STAC: variants seen among roughly 807,000 people sequenced by gnomAD.
STAC encodes SH3 and cysteine-rich domain-containing protein.
In STAC, 43 loss-of-function variants were observed where a neutral mutation model predicts 48.8. That is an observed-to-expected ratio of 0.88 (90% confidence interval 0.69 to 1.14). The LOEUF is 1.14. Ranked by LOEUF, STAC falls within the 50% of genes most tolerant of loss-of-function variation. The pLI is 0.00. For missense variants in STAC, 497 were observed against 504.0 expected, an observed-to-expected ratio of 0.99 and a Z score of 0.13; for synonymous variants, 193 against 179.5, an observed-to-expected ratio of 1.07 and a Z score of -0.60.
At chr3:36,409,767 A>G (rs766442287) in intron 1 of STAC, 1 of 152,216 alleles carries the variant, frequency 6.6e-6, no homozygotes, top group Non-Finnish European at 1.5e-5. Flanking sequence ...AACAGAATGA[A>G]CATTCTACTG....
chr3:36,410,579 T>C (rs1411438030), intron 1 of STAC, among the ~76,000 whole-genome samples: 1 of 152,200 alleles, frequency 6.6e-6, no homozygotes, highest in Admixed American at 6.5e-5. Context: ...TGACTGTATT[T>C]ATATGCGTGT....
At chr3:36,387,048 T>A (rs1402125931) in intron 1 of STAC, among the ~76,000 whole-genome samples, 1 of 152,122 alleles carries the variant, frequency 6.6e-6, no homozygotes, top group African/African-American at 2.4e-5. Flanking sequence ...CAAATTTTGT[T>A]ACTTTTTCAG....
intron 2 of STAC, among the ~76,000 whole-genome samples, chr3:36,474,441 C>A (rs1697435974): frequency 1.3e-5 from 2 of 152,188 alleles, no homozygotes; most frequent in South Asian, 4.1e-4. Context: ...CCCACAGATG[C>A]CCTTTCACTT....
intron 1 of STAC, among the ~76,000 whole-genome samples, chr3:36,415,030 G>T (rs887695806): frequency 1.3e-5 from 2 of 152,180 alleles, no homozygotes; most frequent in Non-Finnish European, 2.9e-5. Flanking sequence ...TCCTCTGGAG[G>T]TTTCATCTCA....
chr3:36,423,945 A>G (rs528834758), intron 1 of STAC, among the ~76,000 whole-genome samples: 1 of 152,168 alleles, frequency 6.6e-6, no homozygotes, highest in East Asian at 1.9e-4. Context: ...ATGCTGCCCT[A>G]TATTTTAATT....
chr3:36,514,876 A>T (rs1206748626), intron 8 of STAC, among the ~76,000 whole-genome samples: 1 of 151,976 alleles, frequency 6.6e-6, no homozygotes, highest in African/African-American at 2.4e-5. Context: ...CTCTATTAAA[A>T]ATAACAAAAA....
At chr3:36,476,316 T>A (rs1697492513) in intron 2 of STAC, among the ~76,000 whole-genome samples, 1 of 151,558 alleles carries the variant, frequency 6.6e-6, no homozygotes, top group Non-Finnish European at 1.5e-5. Context: ...CAGAGAAGAG[T>A]GGTGGGTTCC....
chr3:36,480,247 T>C (rs1264358895), intron 2 of STAC, among the ~76,000 whole-genome samples: 7 of 152,212 alleles, frequency 4.6e-5, no homozygotes, highest in African/African-American at 1.4e-4. Flanking sequence ...TTTAAAAACA[T>C]AGCAGTCTTT....
intron 2 of STAC, among the ~76,000 whole-genome samples, chr3:36,450,255 T>C (rs964985012): frequency 2.0e-5 from 3 of 152,144 alleles, no homozygotes; most frequent in East Asian, 1.9e-4. Context: ...GGAAAAAAAA[T>C]AGTTTGCCTT....
intron 1 of STAC, among the ~76,000 whole-genome samples, chr3:36,410,731 T>C (rs1192434997): frequency 6.6e-6 from 1 of 152,256 alleles, no homozygotes; most frequent in Admixed American, 6.5e-5. Context: ...TATTGATGTA[T>C]TCAGCAGCAA....
intron 8 of STAC, among the ~76,000 whole-genome samples, chr3:36,519,307 C>T (rs188844292): frequency 1.7e-4 from 26 of 152,292 alleles, no homozygotes; most frequent in Admixed American, 1.3e-3. Context: ...AGTGAATGGA[C>T]GCTTGGCTGT....
intron 2 of STAC, among the ~76,000 whole-genome samples, chr3:36,466,661 A>G (rs150203288): frequency 2.0e-5 from 3 of 152,218 alleles, no homozygotes; most frequent in African/African-American, 7.2e-5. Flanking sequence ...CACTGTTGGT[A>G]TATAGCAGAG....
intron 6 of STAC, among the ~76,000 whole-genome samples, chr3:36,496,227 C>T (rs1698149603): frequency 1.3e-5 from 2 of 152,214 alleles, no homozygotes; most frequent in South Asian, 4.1e-4. Flanking sequence ...CTCTACAATG[C>T]ACCCTGAGAA....
chr3:36,408,261 T>C (rs1020467062), intron 1 of STAC, among the ~76,000 whole-genome samples: 1 of 152,222 alleles, frequency 6.6e-6, no homozygotes, highest in African/African-American at 2.4e-5. Flanking sequence ...GAGGGGACTA[T>C]GTACTCCTGC....
At chr3:36,539,910 G>C (rs756086252) in intron 10 of STAC, among the ~76,000 whole-genome samples, 2 of 152,234 alleles carry the variant, frequency 1.3e-5, no homozygotes, top group Non-Finnish European at 2.9e-5. Context: ...CCAAAACTTG[G>C]AATATGTTAC....
intron 1 of STAC, among the ~76,000 whole-genome samples, chr3:36,402,881 G>A (rs910123628): frequency 9.2e-5 from 14 of 152,080 alleles, no homozygotes; most frequent in African/African-American, 3.1e-4. Context: ...AGTCTTATCT[G>A]CAGAGGAAAC....
intron 2 of STAC, among the ~76,000 whole-genome samples, chr3:36,446,201 A>G (rs1410385987): frequency 6.6e-6 from 1 of 152,204 alleles, no homozygotes; most frequent in Non-Finnish European, 1.5e-5. Context: ...TGCCTTCAAC[A>G]CACTGCTACC....
chr3:36,461,090 T>C (rs1200352467), intron 2 of STAC, among the ~76,000 whole-genome samples: 2 of 152,318 alleles, frequency 1.3e-5, no homozygotes, highest in East Asian at 3.9e-4. Context: ...TGCTAGACTT[T>C]TTTACATGTA....
intron 10 of STAC, among the ~76,000 whole-genome samples, chr3:36,543,835 T>C (rs1182264011): frequency 6.6e-6 from 1 of 152,148 alleles, no homozygotes; most frequent in Non-Finnish European, 1.5e-5. Flanking sequence ...TGCCCAGTAT[T>C]CTCACTCTTC....
Sources: allele counts gnomAD v4.1 joint callset (sites outside exome capture counted in the v4.1 genomes callset), GRCh38; gene constraint gnomAD v4.1.1; transcripts MANE v1.5; gene names NCBI Gene and HGNC (gene_info 2026-07-23, HGNC 2026-07-21).